The following BTD variants were observed in gnomAD, a reference collection of about 807,000 sequenced individuals.
The protein encoded by BTD is biotinidase.
A neutral mutation model predicts 17.7 loss-of-function variants in BTD; 13 were observed. The observed-to-expected ratio is 0.74, with a 90% CI of 0.48 to 1.17. The LOEUF (loss-of-function observed/expected upper bound fraction) is 1.17. Among genes scored for constraint, BTD ranks in the 50% most tolerant of loss-of-function variants. The pLI is 0.00. For synonymous variants in BTD, 240 were observed against 245.2 expected (o/e 0.98, Z 0.20); for missense variants, 674 against 650.4 (o/e 1.04, Z -0.39).
At chr3:15,677,225 G>C (rs2067033361) in intron 3 of BTD, among the ~76,000 whole-genome samples, 1 of 152,038 alleles carries the variant, frequency 6.6e-6, no homozygotes. Flanking sequence ...TGGGAGTGAG[G>C]GTAGGAGAAG....
chr3:15,698,775 T>A (rs2070075502), intron 3 of BTD, among the ~76,000 whole-genome samples: 1 of 152,166 alleles, frequency 6.6e-6, no homozygotes, highest in Admixed American at 6.5e-5. Context: ...TCCATGCTCA[T>A]GGACAGGAAG....
downstream of BTD, among the ~76,000 whole-genome samples, chr3:15,658,560 T>C (rs2065893516): frequency 6.6e-6 from 1 of 151,496 alleles, no homozygotes; most frequent in East Asian, 1.9e-4. Context: ...TCAGAGTGAG[T>C]CAAACCCCTT....
At chr3:15,665,720 A>T (rs1327736321) in intron 3 of BTD, among the ~76,000 whole-genome samples, 3 of 152,222 alleles carry the variant, frequency 2.0e-5, no homozygotes, top group African/African-American at 7.2e-5. Flanking sequence ...ACGATTTGTT[A>T]TGGCCAGTGG....
chr3:15,704,191 C>A (rs1022637840), intron 3 of BTD, among the ~76,000 whole-genome samples: 2 of 152,002 alleles, frequency 1.3e-5, no homozygotes, highest in Non-Finnish European at 2.9e-5. Flanking sequence ...TTGCTGGATT[C>A]TTACATGATG....
At chr3:15,658,292 C>G (rs1182572196), downstream of BTD, among the ~76,000 whole-genome samples, 1 of 152,316 alleles carries the variant, frequency 6.6e-6, no homozygotes, top group East Asian at 1.9e-4. Context: ...GATGGCACAG[C>G]TAACAAAGCC....
intron 3 of BTD, among the ~76,000 whole-genome samples, chr3:15,705,184 T>G (rs2071187724): frequency 1.3e-5 from 2 of 152,206 alleles, no homozygotes. Context: ...AGTCATTGCT[T>G]ACTTGCTCAA....
intron 3 of BTD, chr3:15,685,444 G>A: frequency 1.9e-6 from 3 of 1,613,582 alleles, no homozygotes; most frequent in Non-Finnish European, 2.5e-6. Context: ...GCCTGTAACT[G>A]CCTGAAAGAA....
chr3:15,676,299 C>T (rs1055172757), intron 3 of BTD: 7 of 238,782 alleles, frequency 2.9e-5, no homozygotes, highest in African/African-American at 1.3e-4. Flanking sequence ...ATTGAAATTG[C>T]ATTCCTCCGT....
intron 1 of BTD, among the ~76,000 whole-genome samples, chr3:15,623,335 T>C (rs1479662137): frequency 3.9e-5 from 6 of 152,248 alleles, no homozygotes; most frequent in Non-Finnish European, 8.8e-5. Context: ...AGTTGAGTCA[T>C]GTTTTTTATC....
At chr3:15,653,858 T>G (rs1196648938), downstream of BTD, among the ~76,000 whole-genome samples, 2 of 152,212 alleles carry the variant, frequency 1.3e-5, no homozygotes, top group African/African-American at 4.8e-5. Flanking sequence ...TGCTAGAAAT[T>G]GTGGAGGATG....
At chr3:15,714,513 A>C, downstream of BTD, 1 of 1,132,444 alleles carries the variant, frequency 8.8e-7, no homozygotes, top group Non-Finnish European at 1.2e-6. Flanking sequence ...CATTTGGTGG[A>C]TGTTTTTACT....
chr3:15,669,752 G>A (rs2066176059), intron 3 of BTD: 1 of 152,034 alleles, frequency 6.6e-6, no homozygotes. Flanking sequence ...ATTGCAGTTT[G>A]GTTTAGGTAA....
rs1278191040 is a variant in BTD at position 15,648,714 on chromosome 3, T to C, written c.*3226T>C. ...AGTCCTAACCCCCAATAGCTCAGAA[T>C]GTGGCCTTATTTGGAAATAGGGTCT... On this transcript the variant is annotated 3_prime_UTR_variant, in exon 4 of 4. Transcript: ENST00000643237. 6.6e-6 allele frequency among the ~76,000 whole-genome samples: 1 copy of C among 152,214 alleles called. No homozygotes were observed. The highest frequency in any genetic ancestry group is 1.5e-5 in the Non-Finnish European group (1 of 68,034).
intron 1 of BTD, chr3:15,602,238 TGA>T (rs1362168010): frequency 1.6e-5 from 21 of 1,301,844 alleles, no homozygotes; most frequent in Non-Finnish European, 2.1e-5. Context: ...AGACCGTGCC[TGA>T]GATCCTGAAT....
At chr3:15,637,349 T>C (rs560434181) in intron 2 of BTD, among the ~76,000 whole-genome samples, 29 of 152,234 alleles carry the variant, frequency 1.9e-4, no homozygotes, top group African/African-American at 6.5e-4. Context: ...GGCAGCCACA[T>C]GTCTCATTAT....
intron 1 of BTD, among the ~76,000 whole-genome samples, chr3:15,627,727 G>GTTTT (rs1486617137): frequency 6.6e-6 from 1 of 152,064 alleles, no homozygotes; most frequent in Non-Finnish European, 1.5e-5. Context: ...GTTTTGTTTT[G>GTTTT]TTTTGTTTTT....
At chr3:15,670,314 T>C (rs375106166) in intron 3 of BTD, 11 of 1,613,746 alleles carry the variant, frequency 6.8e-6, no homozygotes, top group Non-Finnish European at 9.3e-6. Context: ...TCCACGTCAG[T>C]GTATAAGTAC....
At chr3:15,680,689 A>G (rs1382887976) in intron 3 of BTD, among the ~76,000 whole-genome samples, 1 of 151,918 alleles carries the variant, frequency 6.6e-6, no homozygotes, top group African/African-American at 2.4e-5. Context: ...TTTTTGAGAC[A>G]GGGTCTTGCT....
chr3:15,714,816 G>T (rs1042936882), downstream of BTD, among the ~76,000 whole-genome samples: 2 of 152,016 alleles, frequency 1.3e-5, no homozygotes, highest in African/African-American at 4.8e-5. Flanking sequence ...TTAAAATTAG[G>T]AATTAATTTT....
Sources: gnomAD v4.1 joint callset for allele counts (sites outside exome capture counted in the v4.1 genomes callset) on GRCh38, gnomAD v4.1.1 for gene constraint, MANE v1.5 for transcripts, NCBI Gene and HGNC (gene_info 2026-07-23, HGNC 2026-07-21) for gene names.